NRXN3: variants seen among roughly 807,000 people sequenced by gnomAD.
NRXN3 encodes the protein neurexin 3, also known as neurexin III.
NRXN3 carries 32 observed loss-of-function variants against 137.6 expected under a neutral mutation model. That is an observed-to-expected ratio of 0.23 (90% CI 0.18 to 0.31). The LOEUF (loss-of-function observed/expected upper bound fraction) is 0.31, where lower values mean the gene tolerates loss of function less well. Among genes scored for constraint, NRXN3 ranks in the 10% least tolerant of loss-of-function variants. The pLI is 1.00. For synonymous variants in NRXN3, 798 were observed against 784.5 expected (o/e 1.02, Z -0.29); for missense variants, 1,574 against 2,062.5 (o/e 0.76, Z 4.59).
At chr14:78,816,148 T>C (rs11159384) in intron 10 of NRXN3, among the ~76,000 whole-genome samples, 149,251 of 152,276 alleles carry the variant, frequency 0.98, 73,218 homozygotes, top group East Asian at 1. Context: ...GCTTCCTAAA[T>C]ATATAATATT....
rs374290093 is a variant in NRXN3 at position 79,737,541 on chromosome 14, G to A, written c.4014+39604G>A. On this transcript the variant is annotated intron_variant, in intron 19 of 20. Coordinates refer to ENST00000335750, the MANE Select transcript of NRXN3 (RefSeq NM_001330195.2). ...TGCCTAAGATACTATGTCTCAGCAC[G>A]GAGTTTATATTAGGTATTTTATTTT... 5.3e-5 allele frequency among the ~76,000 whole-genome samples: 8 copies of A among 152,178 alleles called. No individual in the cohort carries two copies. The East Asian group carries it at 1.3e-3, about 26-fold the overall frequency.
At chr14:78,967,841 G>T (rs914367907) in intron 13 of NRXN3, among the ~76,000 whole-genome samples, 1 of 152,090 alleles carries the variant, frequency 6.6e-6, no homozygotes, top group Non-Finnish European at 1.5e-5. Flanking sequence ...TTGATGGCAT[G>T]TCTGTATATC....
At chr14:79,384,075 CA>C (rs1392589042) in intron 15 of NRXN3, among the ~76,000 whole-genome samples, 1 of 152,124 alleles carries the variant, frequency 6.6e-6, no homozygotes, top group Non-Finnish European at 1.5e-5. Context: ...GAGGTTTTTG[CA>C]AGCCAGAAAT....
chr14:78,744,647 C>T (rs1024148540), intron 8 of NRXN3: 3 of 151,944 alleles, frequency 2.0e-5, no homozygotes, highest in Admixed American at 6.6e-5. Flanking sequence ...TAATTAGTGG[C>T]GAAGGTGTTA....
chr14:79,567,758 T>G (rs1239815650), intron 16 of NRXN3, among the ~76,000 whole-genome samples: 1 of 152,156 alleles, frequency 6.6e-6, no homozygotes, highest in East Asian at 1.9e-4. Context: ...TTTAGATATT[T>G]TTTAACTGCG....
At chr14:79,528,352 A>T (rs974840286) in intron 16 of NRXN3, among the ~76,000 whole-genome samples, 4 of 152,186 alleles carry the variant, frequency 2.6e-5, no homozygotes, top group African/African-American at 9.7e-5. Context: ...TGATGTTATA[A>T]ACACCATCAC....
intron 16 of NRXN3, among the ~76,000 whole-genome samples, chr14:79,599,277 G>A (rs370649700): frequency 1.3e-5 from 2 of 152,218 alleles, no homozygotes; most frequent in African/African-American, 4.8e-5. Context: ...GATTCTAATT[G>A]CTCTTGTATT....
chr14:78,812,971 G>A (rs1003835271), intron 10 of NRXN3, among the ~76,000 whole-genome samples: 11 of 152,100 alleles, frequency 7.2e-5, no homozygotes, highest in African/African-American at 2.4e-4. Flanking sequence ...CACCTTTAGA[G>A]CTAAACAATG....
chr14:79,435,593 TACAC>T (rs35554281), intron 15 of NRXN3, among the ~76,000 whole-genome samples: 2,141 of 143,906 alleles, frequency 0.015, 25 homozygotes, highest in Non-Finnish European at 0.018. Context: ...AACACTAAGA[TACAC>T]ACACACACAC....
At chr14:78,453,214 G>T (rs1310260404) in intron 4 of NRXN3, among the ~76,000 whole-genome samples, 1 of 152,158 alleles carries the variant, frequency 6.6e-6, no homozygotes, top group Admixed American at 6.5e-5. Context: ...GGCATTGATA[G>T]TGTTTAAAGA....
intron 3 of NRXN3, among the ~76,000 whole-genome samples, chr14:78,280,201 TAGAC>T (rs1451906724): frequency 6.6e-6 from 1 of 152,208 alleles, no homozygotes; most frequent in Non-Finnish European, 1.5e-5. Flanking sequence ...CCTTTTATTT[TAGAC>T]AGAGGCAGAC....
At chr14:78,230,031 T>G (rs1193137168) in intron 1 of NRXN3, among the ~76,000 whole-genome samples, 1 of 152,162 alleles carries the variant, frequency 6.6e-6, no homozygotes, top group African/African-American at 2.4e-5. Flanking sequence ...TTATTTATTT[T>G]GTATTTTTCT....
chr14:78,593,706 G>A (rs2097136223), intron 4 of NRXN3, among the ~76,000 whole-genome samples: 1 of 152,094 alleles, frequency 6.6e-6, no homozygotes, highest in African/African-American at 2.4e-5. Flanking sequence ...AGGAGGGGGT[G>A]GGGAAATTGT....
chr14:79,791,481 AAT>A (rs1213473690), intron 19 of NRXN3, among the ~76,000 whole-genome samples: 3 of 144,164 alleles, frequency 2.1e-5, no homozygotes, highest in Middle Eastern at 3.6e-3. Context: ...TATATATTGT[AAT>A]AATTATAATT....
intron 20 of NRXN3, among the ~76,000 whole-genome samples, chr14:79,833,975 G>T (rs1399249029): frequency 6.6e-6 from 1 of 152,138 alleles, no homozygotes; most frequent in Non-Finnish European, 1.5e-5. Flanking sequence ...ACAGGCAGAG[G>T]AAAAGAGTTC....
At chr14:78,933,172 A>G (rs1276749424) in intron 10 of NRXN3, among the ~76,000 whole-genome samples, 2 of 152,258 alleles carry the variant, frequency 1.3e-5, no homozygotes, top group Admixed American at 6.5e-5. Flanking sequence ...GCCTGAGGGC[A>G]GGAGCAATGT....
chr14:78,489,237 C>T (rs2095620552), intron 4 of NRXN3, among the ~76,000 whole-genome samples: 1 of 152,170 alleles, frequency 6.6e-6, no homozygotes, highest in Admixed American at 6.5e-5. Context: ...ATAACTGACT[C>T]GCTCTCTCAG....
chr14:79,348,815 T>G (rs2093042423), intron 15 of NRXN3, among the ~76,000 whole-genome samples: 1 of 152,202 alleles, frequency 6.6e-6, no homozygotes, highest in Admixed American at 6.5e-5. Context: ...AACTTCTGCA[T>G]GATCAATTAC....
intron 15 of NRXN3, among the ~76,000 whole-genome samples, chr14:79,365,416 C>CT (rs2093842087): frequency 6.6e-6 from 1 of 152,148 alleles, no homozygotes; most frequent in Admixed American, 6.5e-5. Context: ...TATTTGCCAT[C>CT]TCACCACAGA....
Sources: allele counts gnomAD v4.1 joint callset (sites outside exome capture counted in the v4.1 genomes callset), GRCh38; gene constraint gnomAD v4.1.1; transcripts MANE v1.5; gene names NCBI Gene and HGNC (gene_info 2026-07-23, HGNC 2026-07-21).